Variants in PTPRO observed in about 807,000 individuals in gnomAD.
PTPRO encodes receptor-type tyrosine-protein phosphatase O.
A neutral mutation model predicts 145.2 loss-of-function variants in PTPRO; 62 were observed. The observed-to-expected ratio is 0.43, with a 90% confidence interval of 0.35 to 0.53. PTPRO has a LOEUF of 0.53. Among genes scored for constraint, PTPRO ranks in the 20% least tolerant of loss-of-function variants. PTPRO has a pLI of 0.01. For synonymous variants in PTPRO, 565 were observed against 514.7 expected, an observed-to-expected ratio of 1.10 and a Z score of -1.32; for missense variants, 1,345 against 1,482.7, an observed-to-expected ratio of 0.91 and a Z score of 1.53.
chr12:15,495,401 T>C (rs535829960), intron 2 of PTPRO, among the ~76,000 whole-genome samples: 1 of 149,892 alleles, frequency 6.7e-6, no homozygotes, highest in South Asian at 2.2e-4. Context: ...AGATCCTCAA[T>C]AGTTATTTAT....
chr12:15,471,138 G>T (rs1378933110), intron 1 of PTPRO, among the ~76,000 whole-genome samples: 1 of 152,122 alleles, frequency 6.6e-6, no homozygotes, highest in Non-Finnish European at 1.5e-5. Context: ...GTATCTATTG[G>T]GAAGCTGAGG....
At chr12:15,347,727 A>T (rs925935271) in intron 1 of PTPRO, among the ~76,000 whole-genome samples, 1 of 152,256 alleles carries the variant, frequency 6.6e-6, no homozygotes, top group Non-Finnish European at 1.5e-5. Context: ...AGTTTTCTGT[A>T]GCCTTTACTA....
intron 1 of PTPRO, among the ~76,000 whole-genome samples, chr12:15,452,629 T>C (rs1941075599): frequency 6.6e-6 from 1 of 152,168 alleles, no homozygotes; most frequent in Admixed American, 6.5e-5. Context: ...TACAACAGTA[T>C]ATCAAAAAGA....
At chr12:15,551,789 T>C in intron 15 of PTPRO, 118 bp downstream of exon 15, 1 of 1,080,936 alleles carries the variant, frequency 9.3e-7, no homozygotes, top group South Asian at 1.4e-5. Flanking sequence ...TAGTTTTCAG[T>C]GTCTGTTTCT....
intron 16 of PTPRO, among the ~76,000 whole-genome samples, chr12:15,557,930 T>C (rs1164184228): frequency 6.6e-6 from 1 of 152,038 alleles, no homozygotes; most frequent in African/African-American, 2.4e-5. Flanking sequence ...TATTTTATTT[T>C]TTATTGTTTT....
In PTPRO at chr12:15,413,050, C is replaced by T. The variant is rs543144141; in HGVS notation, c.76-70924C>T. Among the ~76,000 whole-genome samples, 5 of 152,276 alleles carry T rather than the reference C, an allele frequency of 3.3e-5. 1 individual carries two copies. The highest frequency in any genetic ancestry group is 1.2e-4 in the African/African-American group (5 of 41,560). ...TGAGGTGATCCACCCGCCTCAGCCT[C>T]CCAAAGTGTTGGGATCACAGGCGTG... On this transcript the variant is annotated intron_variant, in intron 1 of 26. Coordinates refer to ENST00000281171, the MANE Select transcript of PTPRO (RefSeq NM_030667.3).
intron 1 of PTPRO, among the ~76,000 whole-genome samples, chr12:15,431,601 T>C (rs1321486598): frequency 6.6e-6 from 1 of 152,158 alleles, no homozygotes; most frequent in Admixed American, 6.6e-5. Flanking sequence ...TATTATTCGA[T>C]AGAGCAAATT....
At chr12:15,576,619 T>A (rs1398318733) in intron 19 of PTPRO, among the ~76,000 whole-genome samples, 1 of 152,136 alleles carries the variant, frequency 6.6e-6, no homozygotes, top group African/African-American at 2.4e-5. Flanking sequence ...GAGGAAGAAA[T>A]TATGGAGCCA....
chr12:15,435,001 T>C (rs1391063864), intron 1 of PTPRO, among the ~76,000 whole-genome samples: 1 of 152,198 alleles, frequency 6.6e-6, no homozygotes. Context: ...TCCTAACTCC[T>C]ACCCTTCTCC....
chr12:15,570,617 C>A (rs190886751), intron 19 of PTPRO, among the ~76,000 whole-genome samples: 6 of 152,056 alleles, frequency 3.9e-5, no homozygotes, highest in African/African-American at 1.4e-4. Context: ...AGATGCTACA[C>A]CAAATGCTAT....
intron 1 of PTPRO, among the ~76,000 whole-genome samples, chr12:15,358,428 T>G (rs888061900): frequency 1.3e-5 from 2 of 152,152 alleles, no homozygotes; most frequent in African/African-American, 4.8e-5. Context: ...AGCCTAATTT[T>G]CCGGATTTTG....
At chr12:15,443,642 T>C (rs1940828857) in intron 1 of PTPRO, among the ~76,000 whole-genome samples, 1 of 151,696 alleles carries the variant, frequency 6.6e-6, no homozygotes, top group Non-Finnish European at 1.5e-5. Flanking sequence ...ACTTAAACAA[T>C]TGAACAAGCA....
At chr12:15,475,073 T>C (rs949538562) in intron 1 of PTPRO, among the ~76,000 whole-genome samples, 2 of 152,236 alleles carry the variant, frequency 1.3e-5, no homozygotes, top group Non-Finnish European at 2.9e-5. Flanking sequence ...GGAAGATTAG[T>C]CCCTTTCTCT....
chr12:15,403,026 T>G (rs1039640654), intron 1 of PTPRO, among the ~76,000 whole-genome samples: 3 of 152,206 alleles, frequency 2.0e-5, no homozygotes, highest in Non-Finnish European at 2.9e-5. Context: ...GATTGGTAAA[T>G]TGTGTTATAT....
intron 1 of PTPRO, among the ~76,000 whole-genome samples, chr12:15,471,190 G>A (rs150297212): frequency 0.065 from 9,873 of 152,110 alleles, 480 homozygotes; most frequent in Non-Finnish European, 0.09. Context: ...ACCAGCATGG[G>A]CAACATGGTG....
At chr12:15,557,614 G>A (rs1181285840) in intron 16 of PTPRO, 91 bp downstream of exon 16, 4 of 1,152,662 alleles carry the variant, frequency 3.5e-6, no homozygotes, top group Non-Finnish European at 2.6e-6. Context: ...GGATAGTTTT[G>A]TCTGATTATC....
intron 23 of PTPRO, among the ~76,000 whole-genome samples, chr12:15,584,161 C>T (rs1944383071): frequency 6.6e-6 from 1 of 152,192 alleles, no homozygotes; most frequent in African/African-American, 2.4e-5. Flanking sequence ...CCCCAGTATA[C>T]TGTGAGTTTC....
chr12:15,369,509 CA>C (rs746404311), intron 1 of PTPRO, among the ~76,000 whole-genome samples: 1 of 152,072 alleles, frequency 6.6e-6, no homozygotes, highest in Non-Finnish European at 1.5e-5. Context: ...TGCCTAAATT[CA>C]AAATAATTGA....
chr12:15,327,171 G>T (rs1329006723), intron 1 of PTPRO, among the ~76,000 whole-genome samples: 2 of 152,038 alleles, frequency 1.3e-5, no homozygotes, highest in Non-Finnish European at 2.9e-5. Flanking sequence ...CATTCAAATA[G>T]TAAAAATTTT....
Sources: gnomAD v4.1 joint callset for allele counts (sites outside exome capture counted in the v4.1 genomes callset) on GRCh38, gnomAD v4.1.1 for gene constraint, MANE v1.5 for transcripts, NCBI Gene and HGNC (gene_info 2026-07-23, HGNC 2026-07-21) for gene names.